F11R: variants seen among roughly 807,000 people sequenced by gnomAD.
F11R encodes the protein F11 receptor.
F11R carries 27 observed loss-of-function variants against 39.3 expected under a neutral mutation model. That is an observed-to-expected ratio of 0.69 (90% CI 0.51 to 0.95). F11R has a LOEUF of 0.95. Among genes scored for constraint, F11R ranks in the 40% least tolerant of loss-of-function variants. The probability of loss-of-function intolerance (pLI) is 0.00; values close to 1 mark genes in which losing one functional copy is unlikely to be tolerated. For missense variants in F11R, 335 were observed against 372.7 expected, an observed-to-expected ratio of 0.90 and a Z score of 0.83; for synonymous variants, 131 against 144.9, an observed-to-expected ratio of 0.90 and a Z score of 0.69.
intron 1 of F11R, among the ~76,000 whole-genome samples, chr1:161,003,645 C>T (rs765011711): frequency 9.3e-5 from 14 of 151,048 alleles, no homozygotes; most frequent in African/African-American, 1.9e-4. Flanking sequence ...GGTGTGATCT[C>T]GGCTCACTGC....
chr1:160,997,516 A>AT lies in F11R; in HGVS notation c.*1354dup, dbSNP rs901568366. 1 of 152,620 alleles carries AT rather than the reference A, an allele frequency of 6.6e-6. No homozygotes were observed. The highest frequency in any genetic ancestry group is 2.4e-5 in the African/African-American group (1 of 41,450). 9.5% of individuals were successfully genotyped at this position (152,620 alleles called of 1,614,324 possible). The stretch of plus-strand genomic sequence containing the variant: ...GGCCTGGCCACAAGAGGGCTCTGGA[A>AT]TGAAGGCCTGAAATTCAGAAGCTCT... On this transcript the variant is annotated 3_prime_UTR_variant, in exon 10 of 10. Coordinates refer to ENST00000368026, the MANE Select transcript of F11R (RefSeq NM_016946.6).
intron 1 of F11R, among the ~76,000 whole-genome samples, chr1:161,005,167 AAATAATAAT>A (rs71090350): frequency 0.032 from 4,601 of 145,108 alleles, 242 homozygotes; most frequent in African/African-American, 0.11. Flanking sequence ...CTCAAAAATA[AAATAATAAT>A]AATAATAATA....
intron 1 of F11R, among the ~76,000 whole-genome samples, chr1:161,020,698 G>A (rs1023874481): frequency 3.3e-5 from 5 of 152,200 alleles, no homozygotes; most frequent in Non-Finnish European, 7.3e-5. Flanking sequence ...AGTGTGGAAG[G>A]GTCCTTGGCC....
At chr1:161,000,511 C>G in intron 4 of F11R, 120 bp downstream of exon 4, 1 of 1,482,832 alleles carries the variant, frequency 6.7e-7, no homozygotes. Context: ...TCTGGCAGCT[C>G]CAGGACTCTG....
intron 1 of F11R, 62 bp from the exon 2 acceptor site, chr1:161,001,415 A>C: frequency 6.9e-7 from 1 of 1,444,374 alleles, no homozygotes; most frequent in South Asian, 1.1e-5. Context: ...AGGAAGAAGG[A>C]GTCACAGACC....
At chr1:161,019,922 G>A (rs141024862) in intron 1 of F11R, among the ~76,000 whole-genome samples, 2 of 152,258 alleles carry the variant, frequency 1.3e-5, no homozygotes, top group African/African-American at 2.4e-5. Context: ...GTAGAAATGA[G>A]CAGTCAATCC....
Position 160,996,981 on chromosome 1 carries a change from G to A in F11R, c.*1890C>T, listed in dbSNP as rs1351033099. 1 of 152,278 alleles carries A rather than the reference G, an allele frequency of 6.6e-6. No individual in the cohort carries two copies. The highest frequency in any genetic ancestry group is 1.5e-5 in the Non-Finnish European group (1 of 68,028). The allele number at this position is 152,278 out of a possible 1,614,324, so 9.4% of individuals were successfully genotyped here. On this transcript the variant is annotated 3_prime_UTR_variant, in exon 10 of 10. Coordinates refer to ENST00000368026, the MANE Select transcript of F11R (RefSeq NM_016946.6). ...AATTCTGTTAGGGATTTCCAAATAG[G>A]ATAGGGCAAAGTCGCACTTAGTATA...
chr1:161,020,144 G>A (rs558408418), intron 1 of F11R, among the ~76,000 whole-genome samples: 1 of 152,238 alleles, frequency 6.6e-6, no homozygotes, highest in African/African-American at 2.4e-5. Flanking sequence ...TAAACGCTCA[G>A]CCCCACACAA....
At chr1:161,004,565 C>G (rs1648691571) in intron 1 of F11R, among the ~76,000 whole-genome samples, 1 of 150,692 alleles carries the variant, frequency 6.6e-6, no homozygotes, top group Admixed American at 6.6e-5. Flanking sequence ...AAAAAATTAA[C>G]CAGGCATGGT....
chr1:161,014,806 A>C (rs888988165), intron 1 of F11R, among the ~76,000 whole-genome samples: 1 of 151,880 alleles, frequency 6.6e-6, no homozygotes, highest in Non-Finnish European at 1.5e-5. Flanking sequence ...CGGGCAGCTC[A>C]CACCTGTAAT....
intron 1 of F11R, among the ~76,000 whole-genome samples, chr1:161,006,605 TGG>T (rs1351195107): frequency 3.4e-4 from 52 of 152,348 alleles, no homozygotes; most frequent in African/African-American, 1.1e-3. Context: ...TCACCTGGTC[TGG>T]GCTTCTGTTA....
chr1:161,007,417 A>G (rs540146091), intron 1 of F11R, among the ~76,000 whole-genome samples: 114 of 152,036 alleles, frequency 7.5e-4, no homozygotes, highest in Non-Finnish European at 1.3e-3. Context: ...GTGAGCCAAG[A>G]TCGTGCCATT....
chr1:160,999,894 C>A lies in F11R; in HGVS notation c.676G>T (p.Ala226Ser), dbSNP rs1305311680. 6.2e-7 allele frequency: 1 copy of A among 1,614,182 alleles called. No individual in the cohort carries two copies. The highest frequency in any genetic ancestry group is 8.5e-7 in the Non-Finnish European group (1 of 1,180,020). Residue 226 changes from alanine to serine, a missense_variant, in exon 6 of 10, where the codon GCT becomes TCT. Transcript: ENST00000368026. The stretch of plus-strand genomic sequence containing the variant: ...CTCTCACCAGCTTCCATGCGCACAG[C>A]ATTTGAAGTCATGGGTGTCCCATAC... The part of the protein sequence containing the change: ...NGYGTPMTSN[A>S]VRMEAVERNV...
intron 1 of F11R, among the ~76,000 whole-genome samples, chr1:161,019,952 A>T (rs778404134): frequency 1.3e-5 from 2 of 152,314 alleles, no homozygotes; most frequent in Non-Finnish European, 2.9e-5. Flanking sequence ...CAGGGAATCT[A>T]CATACACCAA....
At position 161,011,108 on chromosome 1, in the gene F11R, T is replaced by C. The variant is rs111251879; in HGVS notation, c.65-9755A>G. 7.2e-3 allele frequency among the ~76,000 whole-genome samples: 1,097 copies of C among 151,970 alleles called. 12 individuals carry two copies. Among genetic ancestry groups the C allele is most frequent in the African/African-American group, 0.025 (1,036 of 41,492 alleles). ...AGTGCAGTGGCGCGATTGTGGCTCA[T>C]GGCAACTTCCACCTCCCAGGTTCAA... On this transcript the variant is annotated intron_variant, in intron 1 of 9. Coordinates refer to ENST00000368026, the MANE Select transcript of F11R (RefSeq NM_016946.6).
chr1:161,008,909 A>G (rs1648974943), intron 1 of F11R, among the ~76,000 whole-genome samples: 1 of 152,250 alleles, frequency 6.6e-6, no homozygotes, highest in Admixed American at 6.5e-5. Flanking sequence ...AATAATCCCT[A>G]TACTCTGCCA....
intron 1 of F11R, among the ~76,000 whole-genome samples, chr1:161,019,563 C>G (rs925240936): frequency 4.9e-5 from 7 of 142,682 alleles, no homozygotes; most frequent in African/African-American, 1.6e-4. Context: ...CCATTGCACT[C>G]GAGCCTGGGC....
chr1:160,998,725 A>T lies in F11R; in HGVS notation c.*146T>A, dbSNP rs1235687312. Reference sequence around the variant, plus strand: ...GAGGATGGGGCACATAGCTGACATTATTAAAAACACATCCGAAGAAGTAGG... The same window carrying T: ...GAGGATGGGGCACATAGCTGACATTTTTAAAAACACATCCGAAGAAGTAGG... On this transcript the variant is annotated 3_prime_UTR_variant, in exon 10 of 10. Coordinates refer to ENST00000368026, the MANE Select transcript of F11R (RefSeq NM_016946.6). 1.4e-6 allele frequency: 1 copy of T among 730,982 alleles called. No homozygotes were observed. The highest frequency in any genetic ancestry group is 2.4e-6 in the Non-Finnish European group (1 of 423,700). 45.3% of individuals were successfully genotyped at this position (730,982 alleles called of 1,614,324 possible). A position where few individuals can be genotyped will look rare whatever the true frequency, so the allele number is the denominator to read the frequency against.
chr1:160,998,871 TCA>T lies in F11R; in HGVS notation c.898_899del (p.Ter300SerfsTer23). The part of the protein sequence containing the change: ...EFKQTSSFLV[*>X] The stretch of plus-strand genomic sequence containing the variant: ...ATGATAGGCGGTGAGCCGACCAGGC[TCA>T]CACCAGGAATGACGAGGTCTGTTTG... On this transcript the variant is annotated frameshift_variant and stop_lost, in exon 10 of 10. Transcript: ENST00000368026. LOFTEE classifies it high-confidence loss of function. 1 of 1,614,130 alleles carries T rather than the reference TCA, an allele frequency of 6.2e-7. No individual in the cohort carries two copies. The highest frequency in any genetic ancestry group is 8.5e-7 in the Non-Finnish European group (1 of 1,179,994).
Sources: gnomAD v4.1 joint callset for allele counts (sites outside exome capture counted in the v4.1 genomes callset) on GRCh38, gnomAD v4.1.1 for gene constraint, MANE v1.5 for transcripts, NCBI Gene and HGNC (gene_info 2026-07-23, HGNC 2026-07-21) for gene names.